VWF: variants seen among roughly 807,000 people sequenced by gnomAD.
VWF encodes the protein Factor VIII related antigen.
In VWF, 176 loss-of-function variants were observed where a neutral mutation model predicts 308.6. That is an observed-to-expected ratio of 0.57 (90% CI 0.50 to 0.65). The LOEUF is 0.65. Among genes scored for constraint, VWF ranks in the 30% least tolerant of loss-of-function variants. VWF has a pLI of 0.00. For missense variants in VWF, 3,146 were observed against 3,648.2 expected, an observed-to-expected ratio of 0.86 and a Z score of 3.55; for synonymous variants, 1,385 against 1,443.4, an observed-to-expected ratio of 0.96 and a Z score of 0.92.
chr12:6,052,045 A>C (rs1944520520), intron 16 of VWF, among the ~76,000 whole-genome samples: 1 of 152,222 alleles, frequency 6.6e-6, no homozygotes, highest in Admixed American at 6.5e-5. Flanking sequence ...CGACTGTCAC[A>C]GAAGGCCTAG....
chr12:6,112,830 A>G (rs1945323366), intron 3 of VWF, among the ~76,000 whole-genome samples: 1 of 125,138 alleles, frequency 8.0e-6, no homozygotes, highest in Admixed American at 7.3e-5. Flanking sequence ...ACACACAGAC[A>G]CACACACACA....
intron 18 of VWF, among the ~76,000 whole-genome samples, chr12:6,038,584 G>A (rs1352451694): frequency 2.0e-5 from 3 of 152,054 alleles, no homozygotes; most frequent in Non-Finnish European, 2.9e-5. Context: ...CCAGCGGACA[G>A]AACACTCCAG....
intron 42 of VWF, among the ~76,000 whole-genome samples, chr12:5,977,563 G>C (rs1449355830): frequency 1.3e-5 from 2 of 152,110 alleles, no homozygotes; most frequent in East Asian, 3.8e-4. Flanking sequence ...TTTTCAAAAA[G>C]AGAAAAACTA....
intron 6 of VWF, among the ~76,000 whole-genome samples, chr12:6,082,642 A>T: frequency 6.6e-6 from 1 of 152,254 alleles, no homozygotes; most frequent in East Asian, 1.9e-4. Context: ...GTTGCGCTGT[A>T]GCCAATCCAA....
At chr12:5,964,141 T>C (rs533223848) in intron 47 of VWF, among the ~76,000 whole-genome samples, 5 of 151,454 alleles carry the variant, frequency 3.3e-5, no homozygotes, top group South Asian at 2.1e-4. Context: ...GGCGTGAACC[T>C]GGGAGGCGGG....
intron 42 of VWF, among the ~76,000 whole-genome samples, chr12:5,979,117 T>C (rs1943563793): frequency 6.6e-6 from 1 of 152,212 alleles, no homozygotes; most frequent in African/African-American, 2.4e-5. Context: ...AAAAAACCTC[T>C]TTCGCTGTCC....
At chr12:5,977,965 T>C (rs1462701792) in intron 42 of VWF, among the ~76,000 whole-genome samples, 4 of 148,772 alleles carry the variant, frequency 2.7e-5, no homozygotes. Context: ...AGAGTAAGAC[T>C]CCTGGGAATA....
intron 17 of VWF, among the ~76,000 whole-genome samples, chr12:6,045,733 T>C (rs1944440589): frequency 1.3e-5 from 2 of 152,124 alleles, no homozygotes; most frequent in Non-Finnish European, 2.9e-5. Context: ...AGGAGCCTTG[T>C]GGAAAGTGAG....
At chr12:6,110,250 A>T in intron 5 of VWF, 124 bp downstream of exon 5, 2 of 1,047,524 alleles carry the variant, frequency 1.9e-6, no homozygotes, top group Non-Finnish European at 1.5e-6. Flanking sequence ...GGTTGGCAAC[A>T]TAAATTGAGG....
At chr12:6,051,296 T>TC (rs911298196) in intron 16 of VWF, among the ~76,000 whole-genome samples, 17 of 143,784 alleles carry the variant, frequency 1.2e-4, no homozygotes, top group Admixed American at 6.9e-4. Context: ...CTTTTTTTTT[T>TC]TTTTTTTTTT....
intron 38 of VWF, among the ~76,000 whole-genome samples, chr12:5,985,871 T>TA (rs1458449773): frequency 1.3e-5 from 2 of 152,216 alleles, no homozygotes; most frequent in Non-Finnish European, 2.9e-5. Flanking sequence ...CATTGCTTTG[T>TA]AAACTAACAT....
chr12:6,084,511 GAGAC>G (rs1179651751), intron 6 of VWF, among the ~76,000 whole-genome samples: 1 of 152,146 alleles, frequency 6.6e-6, no homozygotes, highest in Non-Finnish European at 1.5e-5. Flanking sequence ...ATCTTCCCTG[GAGAC>G]ATCAGGCGGG....
Position 6,065,131 on chromosome 12 carries a change from G to C in VWF, c.1293+6C>G. The C allele has an allele frequency of 6.2e-7, 1 of 1,614,182 alleles. No homozygotes were observed. Among genetic ancestry groups the C allele is most frequent in the South Asian group, 1.1e-5 (1 of 91,076 alleles). ...CCCGACCAGCAGCCGGGCTGGCAAAGCTCACCTGGACAGTCTCAATGACAA... is the reference window on the plus strand; with the variant it reads ...CCCGACCAGCAGCCGGGCTGGCAAACCTCACCTGGACAGTCTCAATGACAA... On this transcript the variant is annotated splice_donor_region_variant and intron_variant, in intron 11 of 51. Coordinates refer to ENST00000261405, the MANE Select transcript of VWF (RefSeq NM_000552.5).
At chr12:6,069,698 T>C (rs964056822) in intron 10 of VWF, among the ~76,000 whole-genome samples, 1 of 152,254 alleles carries the variant, frequency 6.6e-6, no homozygotes. Context: ...GAGAAGAGCG[T>C]AGTGGTTTTG....
chr12:6,012,723 A>G (rs1944011739), intron 32 of VWF, among the ~76,000 whole-genome samples: 1 of 143,478 alleles, frequency 7.0e-6, no homozygotes, highest in Non-Finnish European at 1.5e-5. Flanking sequence ...TTTTTTTGAG[A>G]TGGAGTCTCA....
At chr12:6,059,795 T>G (rs2136457635) in intron 13 of VWF, among the ~76,000 whole-genome samples, 1 of 152,318 alleles carries the variant, frequency 6.6e-6, no homozygotes, top group East Asian at 1.9e-4. Context: ...AAGTGTTTGT[T>G]GAATGAATGA....
At chr12:5,963,643 G>T (rs1246326673) in intron 47 of VWF, among the ~76,000 whole-genome samples, 1 of 152,142 alleles carries the variant, frequency 6.6e-6, no homozygotes, top group East Asian at 1.9e-4. Flanking sequence ...ACTCACAGAG[G>T]AGGTAAGTTC....
At chr12:5,951,050 A>G in intron 50 of VWF, among the ~76,000 whole-genome samples, 1 of 150,436 alleles carries the variant, frequency 6.6e-6, no homozygotes, top group East Asian at 1.9e-4. Flanking sequence ...ACAAGCATGG[A>G]CCTGTGAACC....
At chr12:6,027,788 C>T (rs1944211264) in intron 22 of VWF, among the ~76,000 whole-genome samples, 1 of 150,244 alleles carries the variant, frequency 6.7e-6, no homozygotes, top group Non-Finnish European at 1.5e-5. Flanking sequence ...TTGTTTTAAG[C>T]TATCAAGTTT....
Sources: gnomAD v4.1 joint callset for allele counts (sites outside exome capture counted in the v4.1 genomes callset) on GRCh38, gnomAD v4.1.1 for gene constraint, MANE v1.5 for transcripts, NCBI Gene and HGNC (gene_info 2026-07-23, HGNC 2026-07-21) for gene names.